Variants in IMMP1L observed in about 807,000 individuals in gnomAD.
IMMP1L encodes the protein mitochondrial inner membrane protease subunit 1.
IMMP1L carries 24 observed loss-of-function variants against 21.8 expected under a neutral mutation model. That is an observed-to-expected ratio of 1.10 (90% CI 0.80 to 1.55). The LOEUF is 1.55. IMMP1L is among the 40% of genes most tolerant of loss of function. IMMP1L has a pLI of 0.00. For missense variants in IMMP1L, 195 were observed against 200.7 expected, an observed-to-expected ratio of 0.97 and a Z score of 0.17; for synonymous variants, 46 against 62.8, an observed-to-expected ratio of 0.73 and a Z score of 1.26.
chr11:31,484,674 T>G (rs566935826), intron 1 of IMMP1L, among the ~76,000 whole-genome samples: 3 of 152,024 alleles, frequency 2.0e-5, no homozygotes, highest in Non-Finnish European at 4.4e-5. Context: ...GGTCTTTTTC[T>G]AGAAATTGCC....
chr11:31,454,449 CAAAAAAAAAAAAAAA>C (rs71463320), intron 4 of IMMP1L, among the ~76,000 whole-genome samples: 1 of 30,406 alleles, frequency 3.3e-5, no homozygotes, highest in African/African-American at 8.9e-5. Flanking sequence ...AAGACCATGT[CAAAAAAAAAAAAAAA>C]AAAAAAAAAA....
At chr11:31,464,377 C>G (rs979666353) in intron 1 of IMMP1L, among the ~76,000 whole-genome samples, 2 of 152,030 alleles carry the variant, frequency 1.3e-5, no homozygotes, top group Non-Finnish European at 2.9e-5. Context: ...AAAAAAGAAC[C>G]AACACCAATT....
chr11:31,440,318 T>C (rs971840806), intron 4 of IMMP1L, among the ~76,000 whole-genome samples: 2 of 152,218 alleles, frequency 1.3e-5, no homozygotes, highest in East Asian at 1.9e-4. Context: ...TAGTTGTTTA[T>C]GGCAGGAGGG....
At chr11:31,453,559 C>A (rs777447702) in intron 4 of IMMP1L, among the ~76,000 whole-genome samples, 2 of 152,100 alleles carry the variant, frequency 1.3e-5, no homozygotes, top group African/African-American at 4.8e-5. Context: ...AAGGGACACA[C>A]GAGAGGGGTA....
At chr11:31,442,320 C>G (rs940060164) in intron 4 of IMMP1L, among the ~76,000 whole-genome samples, 1 of 152,098 alleles carries the variant, frequency 6.6e-6, no homozygotes, top group South Asian at 2.1e-4. Context: ...TCATGGCCTG[C>G]GGGTGTCCAT....
At chr11:31,472,890 G>T (rs1954610671) in intron 1 of IMMP1L, among the ~76,000 whole-genome samples, 1 of 151,844 alleles carries the variant, frequency 6.6e-6, no homozygotes, top group Non-Finnish European at 1.5e-5. Context: ...TTTTGAGATG[G>T]AGTGTCGCTC....
chr11:31,500,135 C>T (rs1955571467), intron 1 of IMMP1L, among the ~76,000 whole-genome samples: 1 of 151,920 alleles, frequency 6.6e-6, no homozygotes, highest in South Asian at 2.1e-4. Context: ...AAATTAAGTC[C>T]TACCAACCCA....
chr11:31,507,426 G>A (rs1298780450), intron 1 of IMMP1L, among the ~76,000 whole-genome samples: 1 of 152,134 alleles, frequency 6.6e-6, no homozygotes, highest in Non-Finnish European at 1.5e-5. Context: ...TTCAGTTCTA[G>A]TAATGAGGCA....
intron 1 of IMMP1L, among the ~76,000 whole-genome samples, chr11:31,479,280 G>A (rs894854341): frequency 3.3e-5 from 5 of 151,874 alleles, no homozygotes; most frequent in Admixed American, 6.6e-5. Context: ...TCATTATCAC[G>A]TCATCATCAC....
intron 4 of IMMP1L, 33 bp from the exon 5 acceptor site, chr11:31,433,603 G>A (rs1952998185): frequency 1.5e-6 from 2 of 1,346,420 alleles, no homozygotes; most frequent in Non-Finnish European, 2.1e-6. Context: ...GCCTCTTAAA[G>A]ATAAAACCTA....
chr11:31,469,578 A>G (rs905435186), intron 1 of IMMP1L, among the ~76,000 whole-genome samples: 1 of 152,212 alleles, frequency 6.6e-6, no homozygotes, highest in Non-Finnish European at 1.5e-5. Context: ...GACAAAGAGG[A>G]AAGCAGGTAG....
At chr11:31,454,044 G>A (rs921191907) in intron 4 of IMMP1L, among the ~76,000 whole-genome samples, 4 of 151,966 alleles carry the variant, frequency 2.6e-5, no homozygotes, top group Non-Finnish European at 5.9e-5. Flanking sequence ...CCTACTCATC[G>A]GGTTGCTGTT....
intron 1 of IMMP1L, among the ~76,000 whole-genome samples, chr11:31,464,050 A>G (rs548528626): frequency 6.6e-6 from 1 of 152,244 alleles, no homozygotes; most frequent in African/African-American, 2.4e-5. Context: ...ACTATGTATC[A>G]TGCATTTCTT....
chr11:31,477,868 G>A (rs549625444), intron 1 of IMMP1L: 1 of 152,230 alleles, frequency 6.6e-6, no homozygotes, highest in African/African-American at 2.4e-5. Flanking sequence ...CCTATTCCCT[G>A]TCCAATAATA....
At chr11:31,465,590 T>C (rs958929024) in intron 1 of IMMP1L, among the ~76,000 whole-genome samples, 28 of 152,004 alleles carry the variant, frequency 1.8e-4, no homozygotes, top group Admixed American at 1.7e-3. Flanking sequence ...GGTATTAGTA[T>C]AAAAACACAT....
intron 1 of IMMP1L, among the ~76,000 whole-genome samples, chr11:31,507,908 A>T (rs1337029829): frequency 1.3e-5 from 2 of 152,212 alleles, no homozygotes; most frequent in Non-Finnish European, 2.9e-5. Context: ...CGGAATGTAC[A>T]TACACTTCAT....
chr11:31,460,951 AAAC>A lies in IMMP1L; in HGVS notation c.106-240_106-238del, dbSNP rs1954120480. Among the ~76,000 whole-genome samples the A allele has an allele frequency of 3.3e-5, 5 of 152,280 alleles. No homozygotes were observed. In the South Asian group the frequency reaches 1.0e-3, roughly 32 times the overall value. On this transcript the variant is annotated intron_variant, in intron 2 of 5. Transcript: ENST00000532287. ...GCTTTCACATTATAATGCCTGAATA[AAAC>A]AACATTACCTATGTTTCCAAATTTA...
chr11:31,474,085 T>C (rs1333289179), intron 1 of IMMP1L, among the ~76,000 whole-genome samples: 4 of 152,182 alleles, frequency 2.6e-5, no homozygotes, highest in Non-Finnish European at 5.9e-5. Context: ...AATTACATCA[T>C]AGTTTTGCCA....
At chr11:31,472,539 A>G (rs866993399) in intron 1 of IMMP1L, among the ~76,000 whole-genome samples, 1 of 152,236 alleles carries the variant, frequency 6.6e-6, no homozygotes, top group African/African-American at 2.4e-5. Flanking sequence ...TGTGAAAAAA[A>G]TCTGGGAAGC....
Sources: allele counts gnomAD v4.1 joint callset (sites outside exome capture counted in the v4.1 genomes callset), GRCh38; gene constraint gnomAD v4.1.1; transcripts MANE v1.5; gene names NCBI Gene and HGNC (gene_info 2026-07-23, HGNC 2026-07-21).